The following ABCC1 variants were observed in gnomAD, a reference collection of about 807,000 sequenced individuals.
ABCC1 encodes the protein ATP binding cassette subfamily C member 1 (ABCC1 blood group), also known as multidrug resistance-associated protein 1.
In ABCC1, 83 loss-of-function variants were observed where a neutral mutation model predicts 172.9. The ratio of observed to expected loss-of-function variants is 0.48; its 90% CI spans 0.40 to 0.58. The LOEUF is 0.58. Ranked by LOEUF, ABCC1 falls within the 20% of genes least tolerant of loss-of-function variation. The pLI is 0.00. For synonymous variants in ABCC1, 937 were observed against 825.2 expected, an observed-to-expected ratio of 1.14 and a Z score of -2.32; for missense variants, 1,817 against 2,002.7, an observed-to-expected ratio of 0.91 and a Z score of 1.77.
chr16:15,994,031 C>T (rs1477782454), intron 1 of ABCC1, among the ~76,000 whole-genome samples: 1 of 152,132 alleles, frequency 6.6e-6, no homozygotes, highest in South Asian at 2.1e-4. Context: ...CCAGCCTGGG[C>T]AACATGGTAA....
At chr16:16,059,010 T>C (rs1249069323) in intron 12 of ABCC1, among the ~76,000 whole-genome samples, 1 of 151,844 alleles carries the variant, frequency 6.6e-6, no homozygotes, top group Admixed American at 6.6e-5. Flanking sequence ...TTTTCAGTTT[T>C]AGTAGGTCTG....
At chr16:15,980,106 T>C (rs2046586757) in intron 1 of ABCC1, among the ~76,000 whole-genome samples, 2 of 152,102 alleles carry the variant, frequency 1.3e-5, no homozygotes, top group Admixed American at 6.5e-5. Flanking sequence ...CCTTCAACAA[T>C]GTTTGACTTG....
rs118122505 is a variant in ABCC1 at position 15,986,232 on chromosome 16, G to T, written c.49-21584G>T. Reference sequence around the variant, plus strand: ...TTATAGGCATGAGCCACCACGCCCTGCCTCAAATCTCCTTTTCTGACTCAG... The same window carrying T: ...TTATAGGCATGAGCCACCACGCCCTTCCTCAAATCTCCTTTTCTGACTCAG... On this transcript the variant is annotated intron_variant, in intron 1 of 30. Transcript: ENST00000399410. 1.2e-4 allele frequency among the ~76,000 whole-genome samples: 18 copies of T among 152,240 alleles called. No individual in the cohort carries two copies. In the East Asian group the frequency reaches 3.1e-3, roughly 26 times the overall value.
At chr16:16,117,027 G>T (rs868718078) in intron 23 of ABCC1, among the ~76,000 whole-genome samples, 1 of 152,076 alleles carries the variant, frequency 6.6e-6, no homozygotes, top group Non-Finnish European at 1.5e-5. Context: ...GGGACTGGGG[G>T]GGATTTCATC....
chr16:16,139,801 G>A (rs1242139987), intron 30 of ABCC1, among the ~76,000 whole-genome samples: 1 of 152,050 alleles, frequency 6.6e-6, no homozygotes, highest in Non-Finnish European at 1.5e-5. Context: ...TTTTGTGTGG[G>A]TCATCTCTGA....
intron 17 of ABCC1, 51 bp downstream of exon 17, chr16:16,083,593 A>G (rs1249586566): frequency 5.7e-6 from 9 of 1,583,492 alleles, no homozygotes; most frequent in Non-Finnish European, 7.8e-6. Flanking sequence ...GTTGCCGCGT[A>G]ACAAATGCTC....
intron 1 of ABCC1, among the ~76,000 whole-genome samples, chr16:15,958,004 C>A (rs1036543460): frequency 6.6e-6 from 1 of 152,240 alleles, no homozygotes; most frequent in South Asian, 2.1e-4. Context: ...GGTAGCGGTC[C>A]GCTGAGGCTG....
At chr16:15,971,697 C>T (rs961638717) in intron 1 of ABCC1, among the ~76,000 whole-genome samples, 4 of 152,100 alleles carry the variant, frequency 2.6e-5, no homozygotes, top group Non-Finnish European at 4.4e-5. Flanking sequence ...GGAAGAATGG[C>T]GTGTCCATGT....
At chr16:16,032,091 A>G (rs2048579034) in intron 5 of ABCC1, among the ~76,000 whole-genome samples, 1 of 152,062 alleles carries the variant, frequency 6.6e-6, no homozygotes, top group African/African-American at 2.4e-5. Flanking sequence ...CCTGGGTTCA[A>G]GCGATTCTCT....
chr16:16,076,219 C>T (rs989941219), intron 14 of ABCC1, 107 bp from the exon 15 acceptor site: 18 of 1,080,682 alleles, frequency 1.7e-5, no homozygotes, highest in Middle Eastern at 3.9e-4. Flanking sequence ...TAGCGCCATT[C>T]GTGCCAAGCG....
intron 14 of ABCC1, among the ~76,000 whole-genome samples, chr16:16,073,615 C>G (rs567060702): frequency 6.6e-6 from 1 of 152,174 alleles, no homozygotes; most frequent in Admixed American, 6.5e-5. Context: ...TTAAATTCAC[C>G]AGGCATGGTG....
chr16:16,090,166 C>G (rs948724518), intron 18 of ABCC1, among the ~76,000 whole-genome samples: 1 of 152,166 alleles, frequency 6.6e-6, no homozygotes, highest in South Asian at 2.1e-4. Flanking sequence ...TTCCCCTTCC[C>G]CAGCTTTTAG....
At chr16:15,961,105 C>A (rs1248342519) in intron 1 of ABCC1, among the ~76,000 whole-genome samples, 1 of 150,692 alleles carries the variant, frequency 6.6e-6, no homozygotes, top group Non-Finnish European at 1.5e-5. Flanking sequence ...CTTGGCCCTT[C>A]CATGTGCTGG....
intron 1 of ABCC1, among the ~76,000 whole-genome samples, chr16:15,999,311 A>T (rs975251709): frequency 5.9e-5 from 9 of 152,056 alleles, no homozygotes; most frequent in Admixed American, 2.6e-4. Context: ...AGCCAAAAAA[A>T]TTTTTTTAAA....
At chr16:16,093,915 C>T (rs1028999670) in intron 19 of ABCC1, among the ~76,000 whole-genome samples, 3 of 150,974 alleles carry the variant, frequency 2.0e-5, no homozygotes, top group African/African-American at 7.3e-5. Context: ...GACCTCTCTC[C>T]CGGGATATTC....
chr16:16,118,583 A>C (rs1202856512), intron 23 of ABCC1, among the ~76,000 whole-genome samples: 1 of 152,120 alleles, frequency 6.6e-6, no homozygotes, highest in African/African-American at 2.4e-5. Flanking sequence ...CCTTGGGTAC[A>C]CCGTGGAGCA....
Position 16,071,709 on chromosome 16 carries a change from A to C in ABCC1, c.1892A>C (p.Glu631Ala), listed in dbSNP as rs1167179104. 3 of 1,613,760 alleles carry C rather than the reference A, an allele frequency of 1.9e-6. No homozygotes were observed. In the Admixed American group the frequency reaches 5.0e-5, roughly 27 times the overall value. ...GAGGAGCTGGAACCTGACAGCATCGAGCGACGGCCTGTCAAAGACGGTGTG... is the reference window on the plus strand; with the variant it reads ...GAGGAGCTGGAACCTGACAGCATCGCGCGACGGCCTGTCAAAGACGGTGTG... ...SHEELEPDSIERRPVKDGGGT... is the reference protein window; with the variant it reads ...SHEELEPDSIARRPVKDGGGT... Residue 631 changes from glutamate to alanine, a missense_variant, in exon 14 of 31, where the codon GAG becomes GCG. Glu to Ala is a moderately radical substitution (Grantham distance 107). This residue lies in a region of ABCC1 where 1,412 missense variants were observed against 1,600.3 expected (regional missense o/e 0.88). Transcript: ENST00000399410.
chr16:16,042,760 T>C (rs933079418), intron 7 of ABCC1, among the ~76,000 whole-genome samples: 2 of 152,122 alleles, frequency 1.3e-5, no homozygotes, highest in African/African-American at 4.8e-5. Flanking sequence ...GACAGCTTTA[T>C]TGAGATATTC....
chr16:16,058,663 T>C (rs2049773835), intron 12 of ABCC1, among the ~76,000 whole-genome samples: 2 of 152,134 alleles, frequency 1.3e-5, no homozygotes, highest in South Asian at 2.1e-4. Flanking sequence ...TATTTATTCA[T>C]TTATTGAGAT....
Sources: gnomAD v4.1 joint callset for allele counts (sites outside exome capture counted in the v4.1 genomes callset) on GRCh38, gnomAD v4.1.1 for gene constraint, gnomAD v4.1.1 regional missense constraint, MANE v1.5 for transcripts, NCBI Gene and HGNC (gene_info 2026-07-23, HGNC 2026-07-21) for gene names.